Variants in USP32 observed in about 807,000 individuals in gnomAD.
USP32 encodes ubiquitin carboxyl-terminal hydrolase 32.
Under a neutral mutation model 204.8 loss-of-function variants are expected in USP32, and 59 were observed. The ratio of observed to expected loss-of-function variants is 0.29; its 90% CI spans 0.23 to 0.36. USP32 has a LOEUF of 0.36. USP32 is among the 10% of genes least tolerant of loss of function. USP32 has a pLI of 1.00. For synonymous variants in USP32, 517 were observed against 678.4 expected, an observed-to-expected ratio of 0.76 and a Z score of 3.70; for missense variants, 1,160 against 1,946.4, an observed-to-expected ratio of 0.60 and a Z score of 7.60.
chr17:60,215,579 A>C lies in USP32; in HGVS notation c.1868-805T>G, dbSNP rs62084563. 5.4e-3 allele frequency among the ~76,000 whole-genome samples: 817 copies of C among 152,196 alleles called. 5 individuals carry two copies. The highest frequency in any genetic ancestry group is 7.6e-3 in the Non-Finnish European group (514 of 68,000). ...GGATTCACCTGGTCCACTTTCCTAA[A>C]CTTTCTTTGAATCACTAATCCCATC... On this transcript the variant is annotated intron_variant, in intron 16 of 33. Coordinates refer to ENST00000300896, the MANE Select transcript of USP32 (RefSeq NM_032582.4).
At chr17:60,190,536 C>A (rs753731895) in intron 29 of USP32, 27 bp downstream of exon 29, 15 of 1,515,616 alleles carry the variant, frequency 9.9e-6, no homozygotes, top group South Asian at 1.3e-5. Context: ...TAAAAACCAC[C>A]ATTTTATGGT....
chr17:60,241,816 G>A (rs992343842), intron 11 of USP32, among the ~76,000 whole-genome samples: 5 of 152,082 alleles, frequency 3.3e-5, no homozygotes, highest in African/African-American at 1.2e-4. Context: ...AGGGCTGTGA[G>A]GCTGTAGCTT....
chr17:60,320,798 A>G (rs1315631376), intron 2 of USP32, among the ~76,000 whole-genome samples: 1 of 152,218 alleles, frequency 6.6e-6, no homozygotes, highest in Non-Finnish European at 1.5e-5. Context: ...TAAAACTAGC[A>G]TTTTAGAACA....
chr17:60,248,487 A>G (rs540616474), intron 11 of USP32, among the ~76,000 whole-genome samples: 1 of 152,212 alleles, frequency 6.6e-6, no homozygotes, highest in East Asian at 1.9e-4. Flanking sequence ...TTCATTATGC[A>G]TATTTTGGTA....
In USP32 at chr17:60,209,512, T is replaced by C; in HGVS notation, c.2456A>G (p.Asn819Ser). ...WTIAKYAPRFNGFQQQDSQEL... is the reference protein window; with the variant it reads ...WTIAKYAPRFSGFQQQDSQEL... ...TTGGGAGTCCTGTTGCTGAAACCCA[T>C]TAAACCTGGGAGCATATTTTGCTAT... The change falls in exon 22 of 34, where the codon AAT becomes AGT. Residue 819 changes from asparagine to serine, a missense_variant. Coordinates refer to ENST00000300896, the MANE Select transcript of USP32 (RefSeq NM_032582.4). The C allele has an allele frequency of 6.2e-7, 1 of 1,601,632 alleles. No homozygotes were observed. Among genetic ancestry groups the C allele is most frequent in the South Asian group, 1.1e-5 (1 of 87,510 alleles).
At chr17:60,402,246 C>CTTTTTTTT (rs761342227) in intron 1 of USP32, among the ~76,000 whole-genome samples, 2 of 118,450 alleles carry the variant, frequency 1.7e-5, no homozygotes, top group Non-Finnish European at 1.7e-5. Flanking sequence ...CCTCATTTAT[C>CTTTTTTTT]TTTTTTTTTT....
intron 1 of USP32, among the ~76,000 whole-genome samples, chr17:60,373,951 G>A (rs563567150): frequency 2.2e-4 from 33 of 152,072 alleles, no homozygotes; most frequent in Non-Finnish European, 2.9e-4. Flanking sequence ...TTGGGAGGCC[G>A]AGGTGGGCGT....
chr17:60,324,108 T>C (rs975824013), intron 2 of USP32, among the ~76,000 whole-genome samples: 3 of 152,020 alleles, frequency 2.0e-5, no homozygotes, highest in Non-Finnish European at 4.4e-5. Flanking sequence ...CAGTGAGACC[T>C]TGTCTCTACA....
chr17:60,403,794 C>T (rs2089954450), intron 1 of USP32, among the ~76,000 whole-genome samples: 1 of 152,172 alleles, frequency 6.6e-6, no homozygotes, highest in Admixed American at 6.5e-5. Context: ...AATCCCAGCA[C>T]TTTGGGAGGC....
At chr17:60,268,339 T>C (rs2145777740) in intron 7 of USP32, among the ~76,000 whole-genome samples, 1 of 150,662 alleles carries the variant, frequency 6.6e-6, no homozygotes, top group East Asian at 2.0e-4. Flanking sequence ...AAGGCTGAGG[T>C]GGGCGGATCA....
At chr17:60,215,454 A>C (rs1278690024) in intron 16 of USP32, among the ~76,000 whole-genome samples, 1 of 152,148 alleles carries the variant, frequency 6.6e-6, no homozygotes, top group Non-Finnish European at 1.5e-5. Context: ...AAAATGAAAT[A>C]AAACTCAGTG....
chr17:60,225,777 C>A (rs2085367299), intron 13 of USP32, among the ~76,000 whole-genome samples: 1 of 151,962 alleles, frequency 6.6e-6, no homozygotes, highest in Non-Finnish European at 1.5e-5. Flanking sequence ...CATAGTGAAA[C>A]CCCATCTCTA....
At chr17:60,184,888 A>G (rs953091733) in intron 30 of USP32, among the ~76,000 whole-genome samples, 1 of 152,212 alleles carries the variant, frequency 6.6e-6, no homozygotes, top group African/African-American at 2.4e-5. Context: ...ATCTTAATGA[A>G]TAGGAAGATT....
At chr17:60,256,958 A>G (rs567409078) in intron 9 of USP32, 5 of 343,388 alleles carry the variant, frequency 1.5e-5, no homozygotes, top group Admixed American at 4.1e-5. Flanking sequence ...AAATATATTG[A>G]TAAGAACACA....
chr17:60,355,887 TAAA>T (rs58715953), intron 1 of USP32, among the ~76,000 whole-genome samples: 7,785 of 51,170 alleles, frequency 0.15, 848 homozygotes, highest in African/African-American at 0.39. Context: ...TGAACCTCTG[TAAA>T]AAAAAAAAAA....
At position 60,243,228 on chromosome 17, in the gene USP32, GA is replaced by G. The variant is rs749532153; in HGVS notation, c.1137-6989del. Among the ~76,000 whole-genome samples the G allele has an allele frequency of 2.6e-5, 4 of 152,106 alleles. No individual in the cohort carries two copies. The East Asian group carries it at 5.8e-4, about 22-fold the overall frequency. On this transcript the variant is annotated intron_variant, in intron 11 of 33. Coordinates refer to ENST00000300896, the MANE Select transcript of USP32 (RefSeq NM_032582.4). ...TGATCTTGTATCCTGTCATGTTGCT[GA>G]ACTCATTTTATTAATTCTAACAGTT...
At chr17:60,367,646 A>G (rs534958157) in intron 1 of USP32, among the ~76,000 whole-genome samples, 1 of 152,292 alleles carries the variant, frequency 6.6e-6, no homozygotes, top group East Asian at 1.9e-4. Flanking sequence ...CATCTCTACC[A>G]AAAATACAAA....
At chr17:60,324,454 C>G (rs1382604820) in intron 2 of USP32, among the ~76,000 whole-genome samples, 2 of 151,938 alleles carry the variant, frequency 1.3e-5, no homozygotes, top group Non-Finnish European at 2.9e-5. Flanking sequence ...CCTCATTTCC[C>G]CTACCCCTGA....
Position 60,316,346 on chromosome 17 carries a change from C to T in USP32, c.187-14642G>A, listed in dbSNP as rs368478002. The T allele has an allele frequency of 2.7e-4, 42 of 154,872 alleles. No homozygotes were observed. The South Asian group carries it at 8.0e-3, about 29-fold the overall frequency. 9.6% of individuals were successfully genotyped at this position (154,872 alleles called of 1,614,324 possible). On this transcript the variant is annotated intron_variant, in intron 2 of 33. Coordinates refer to ENST00000300896, the MANE Select transcript of USP32 (RefSeq NM_032582.4). ...GGTGAAAAGCTACCTAAGTAAATGACTGCAAGTGGGAAAATGGGGAACGGA... is the reference window on the plus strand; with the variant it reads ...GGTGAAAAGCTACCTAAGTAAATGATTGCAAGTGGGAAAATGGGGAACGGA...
Sources: allele counts gnomAD v4.1 joint callset (sites outside exome capture counted in the v4.1 genomes callset), GRCh38; gene constraint gnomAD v4.1.1; transcripts MANE v1.5; gene names NCBI Gene and HGNC (gene_info 2026-07-23, HGNC 2026-07-21).